TMEM132B: variants seen among roughly 807,000 people sequenced by gnomAD.
TMEM132B encodes the protein transmembrane protein 132B.
Under a neutral mutation model 90.8 loss-of-function variants are expected in TMEM132B, and 18 were observed. That is an observed-to-expected ratio of 0.20 (90% confidence interval 0.14 to 0.29). The LOEUF is 0.29. Among genes scored for constraint, TMEM132B ranks in the 10% least tolerant of loss-of-function variants. The probability of loss-of-function intolerance (pLI) is 1.00; values close to 1 mark genes in which losing one functional copy is unlikely to be tolerated. For missense variants in TMEM132B, 1,096 were observed against 1,326.8 expected (o/e 0.83, Z 2.70); for synonymous variants, 504 against 523.3 (o/e 0.96, Z 0.50).
intron 1 of TMEM132B, among the ~76,000 whole-genome samples, chr12:125,247,114 C>T (rs1429961807): frequency 4.6e-5 from 7 of 152,192 alleles, no homozygotes; most frequent in Non-Finnish European, 1.0e-4. Context: ...ATAAGGTAAC[C>T]CATTCCATCA....
Position 125,251,287 on chromosome 12 carries a change from C to T in TMEM132B, c.67+64421C>T, listed in dbSNP as rs1874312384. ...TATCATTAATTTGGGCTGAACCAGC[C>T]AGTTTTAAACATTCAATATTAAATA... On this transcript the variant is annotated intron_variant, in intron 1 of 8. Coordinates refer to ENST00000682704, the MANE Select transcript of TMEM132B (RefSeq NM_001366854.1). This position sits in a 1 kb window ranked among gnomAD's most constrained non-coding sequence, Gnocchi z 4.4. Among the ~76,000 whole-genome samples, 1 of 152,142 alleles carries T rather than the reference C, an allele frequency of 6.6e-6. No homozygotes were observed. The highest frequency in any genetic ancestry group is 2.1e-4 in the South Asian group (1 of 4,830).
chr12:125,597,962 A>G (rs1885481746), intron 5 of TMEM132B, among the ~76,000 whole-genome samples: 1 of 152,194 alleles, frequency 6.6e-6, no homozygotes, highest in Non-Finnish European at 1.5e-5. Flanking sequence ...AGAGTTTAGT[A>G]AAGACTTAAT....
rs899728834 is a variant in TMEM132B at position 125,519,317 on chromosome 12, G to A, written c.1107-122G>A. On this transcript the variant is annotated intron_variant, in intron 3 of 8. Coordinates refer to ENST00000682704, the MANE Select transcript of TMEM132B (RefSeq NM_001366854.1). The stretch of plus-strand genomic sequence containing the variant: ...AGGCTCCGACAACACTGCCGTGTGA[G>A]TTGTTGAACTTGGCAGTCATTCTTT... The A allele has an allele frequency of 8.8e-6, 9 of 1,018,650 alleles. No individual in the cohort carries two copies. In the Admixed American group the frequency reaches 1.6e-4, roughly 18 times the overall value. The allele number at this position is 1,018,650 out of a possible 1,614,324, so 63.1% of individuals were successfully genotyped here. A position where few individuals can be genotyped will look rare whatever the true frequency, so the allele number is the denominator to read the frequency against.
At chr12:125,583,501 C>T (rs1208264206) in intron 4 of TMEM132B, among the ~76,000 whole-genome samples, 2 of 152,014 alleles carry the variant, frequency 1.3e-5, no homozygotes, top group African/African-American at 2.4e-5. Context: ...ATCCTTGAGC[C>T]GAGATTTGAA....
intron 3 of TMEM132B, among the ~76,000 whole-genome samples, chr12:125,446,141 T>C (rs1881001270): frequency 6.6e-6 from 1 of 152,238 alleles, no homozygotes; most frequent in Non-Finnish European, 1.5e-5. Flanking sequence ...TTCCCCATTA[T>C]AGTTAATAGT....
intron 1 of TMEM132B, among the ~76,000 whole-genome samples, chr12:125,339,878 T>A (rs1363531904): frequency 6.6e-6 from 1 of 152,232 alleles, no homozygotes; most frequent in Admixed American, 6.5e-5. Context: ...TGCCAAGGGT[T>A]AGGACTTGAA....
chr12:125,586,853 A>G (rs1168975115), intron 5 of TMEM132B: 1 of 152,210 alleles, frequency 6.6e-6, no homozygotes, highest in Admixed American at 6.5e-5. Flanking sequence ...TCTTGACTTA[A>G]TAAGGAAGGA....
chr12:125,493,938 TCCTCCTCCC>T (rs1199014020), intron 3 of TMEM132B, among the ~76,000 whole-genome samples: 1 of 71,762 alleles, frequency 1.4e-5, no homozygotes, highest in East Asian at 4.6e-4. Flanking sequence ...ATGGCCATGT[TCCTCCTCCC>T]CCTCCTCCCT....
chr12:125,228,241 C>T (rs1340141977), intron 1 of TMEM132B, among the ~76,000 whole-genome samples: 3 of 152,134 alleles, frequency 2.0e-5, no homozygotes, highest in Non-Finnish European at 4.4e-5. Context: ...TCAATGAGCT[C>T]GGACTGGCCA....
At chr12:125,290,702 C>T (rs569910567) in intron 1 of TMEM132B, among the ~76,000 whole-genome samples, 4 of 152,306 alleles carry the variant, frequency 2.6e-5, no homozygotes, top group African/African-American at 7.2e-5. Context: ...ATCTGTCCTC[C>T]TGCTGATGGG....
chr12:125,650,602 C>A, intron 6 of TMEM132B, 81 bp from the exon 7 acceptor site: 1 of 1,512,070 alleles, frequency 6.6e-7, no homozygotes, highest in Non-Finnish European at 9.0e-7. Context: ...TCTGTGGGCT[C>A]ACCTAGAATC....
chr12:125,430,762 C>G (rs1054906363), intron 3 of TMEM132B, among the ~76,000 whole-genome samples: 1 of 152,196 alleles, frequency 6.6e-6, no homozygotes, highest in Admixed American at 6.5e-5. Flanking sequence ...GGTCCTGGCT[C>G]TCCTGGAACT....
chr12:125,418,296 T>A (rs1880076351), intron 3 of TMEM132B, among the ~76,000 whole-genome samples: 1 of 152,098 alleles, frequency 6.6e-6, no homozygotes, highest in Admixed American at 6.5e-5. Flanking sequence ...AAAAGTAAAG[T>A]AGTTATATAA....
intron 3 of TMEM132B, among the ~76,000 whole-genome samples, chr12:125,469,885 C>A (rs559061284): frequency 1.3e-5 from 2 of 152,292 alleles, no homozygotes; most frequent in South Asian, 4.1e-4. Flanking sequence ...CATCCATACA[C>A]CAGATGGTTC....
intron 3 of TMEM132B, among the ~76,000 whole-genome samples, chr12:125,495,484 A>T (rs570701131): frequency 2.0e-5 from 3 of 152,114 alleles, no homozygotes; most frequent in Non-Finnish European, 4.4e-5. Flanking sequence ...TCAGGGTGAT[A>T]GCAGCTTTTT....
intron 1 of TMEM132B, among the ~76,000 whole-genome samples, chr12:125,333,971 A>G (rs973023811): frequency 2.6e-5 from 4 of 152,164 alleles, no homozygotes; most frequent in African/African-American, 4.8e-5. Context: ...TGCAGTGCTC[A>G]GGGAAAAATG....
intron 1 of TMEM132B, among the ~76,000 whole-genome samples, chr12:125,195,688 C>T (rs113441125): frequency 8.5e-5 from 13 of 152,096 alleles, no homozygotes; most frequent in African/African-American, 2.7e-4. Flanking sequence ...CGTGAGCCAC[C>T]GCACCTGGCC....
In TMEM132B at chr12:125,406,481, C is replaced by T. The variant is rs896154016; in HGVS notation, c.960-9050C>T. 2.0e-5 allele frequency among the ~76,000 whole-genome samples: 3 copies of T among 152,160 alleles called. No individual in the cohort carries two copies. The highest frequency in any genetic ancestry group is 2.9e-5 in the Non-Finnish European group (2 of 68,026). ...GGTGAGCCACAGTCTCAGTCTGTGG[C>T]CAAAACCATCTGAGACTCACTGGTC... On this transcript the variant is annotated intron_variant, in intron 2 of 8. Transcript: ENST00000682704. This position sits in a 1 kb window ranked among gnomAD's most constrained non-coding sequence, Gnocchi z 8.3.
chr12:125,189,799 C>A (rs1028048602), intron 1 of TMEM132B, among the ~76,000 whole-genome samples: 1 of 152,068 alleles, frequency 6.6e-6, no homozygotes, highest in Non-Finnish European at 1.5e-5. Flanking sequence ...CATTTGTTGG[C>A]TGGGAGTCTG....
Sources: gnomAD v4.1 joint callset for allele counts (sites outside exome capture counted in the v4.1 genomes callset) on GRCh38, gnomAD v4.1.1 for gene constraint, Gnocchi (gnomAD v3.1) non-coding constraint, MANE v1.5 for transcripts, NCBI Gene and HGNC (gene_info 2026-07-23, HGNC 2026-07-21) for gene names.